The following MSRA variants were observed in gnomAD, a reference collection of about 807,000 sequenced individuals.
MSRA encodes the protein mitochondrial peptide methionine sulfoxide reductase.
In MSRA, 54 loss-of-function variants were observed where a neutral mutation model predicts 31.3. The ratio of observed to expected loss-of-function variants is 1.73; its 90% CI spans 1.39 to 2.17. The LOEUF (loss-of-function observed/expected upper bound fraction) is 2.17, where lower values mean the gene tolerates loss of function less well. Among genes scored for constraint, MSRA ranks in the 30% most tolerant of loss-of-function variants. The probability of loss-of-function intolerance (pLI) is 0.00; values close to 1 mark genes in which losing one functional copy is unlikely to be tolerated. For synonymous variants in MSRA, 169 were observed against 116.5 expected (o/e 1.45, Z -2.90); for missense variants, 507 against 300.9 (o/e 1.69, Z -5.07).
intron 1 of MSRA, among the ~76,000 whole-genome samples, chr8:10,077,713 C>T (rs989787822): frequency 4.6e-5 from 7 of 152,064 alleles, no homozygotes; most frequent in Non-Finnish European, 8.8e-5. Flanking sequence ...TCTGAGGCTT[C>T]TGACAACTCA....
intron 2 of MSRA, among the ~76,000 whole-genome samples, chr8:10,237,010 A>T (rs974426946): frequency 2.0e-5 from 3 of 152,228 alleles, no homozygotes; most frequent in Non-Finnish European, 4.4e-5. Flanking sequence ...CCTCTAGCTG[A>T]TAGTACAAAC....
chr8:10,279,813 T>C (rs932828303), intron 3 of MSRA, among the ~76,000 whole-genome samples: 2 of 152,232 alleles, frequency 1.3e-5, no homozygotes, highest in Non-Finnish European at 2.9e-5. Flanking sequence ...TGACTTCATA[T>C]AGGCCATGAA....
intron 5 of MSRA, among the ~76,000 whole-genome samples, chr8:10,326,130 T>C (rs1563353890): frequency 6.6e-6 from 1 of 152,198 alleles, no homozygotes; most frequent in East Asian, 1.9e-4. Context: ...CTAACTGTAA[T>C]GTTGACTTAG....
intron 5 of MSRA, among the ~76,000 whole-genome samples, chr8:10,366,310 C>G (rs1009438982): frequency 6.6e-6 from 1 of 152,226 alleles, no homozygotes; most frequent in African/African-American, 2.4e-5. Flanking sequence ...ACCAAAGACA[C>G]CTGCCTACAG....
rs199657766 is a variant in MSRA, at chr8:10,092,997, A to T, written c.142+38339A>T. Among the ~76,000 whole-genome samples the T allele has an allele frequency of 5.9e-5, 9 of 152,296 alleles. No homozygotes were observed. The East Asian group carries it at 1.2e-3, about 20-fold the overall frequency. On this transcript the variant is annotated intron_variant, in intron 1 of 5. Transcript: ENST00000317173. ...GTCTGTTTTGCTTGTTAGTATAACC[A>T]TTCTAGCTCTCTTGGGGTTTCTTTT... is the stretch of plus-strand genomic sequence containing the variant.
intron 5 of MSRA, among the ~76,000 whole-genome samples, chr8:10,324,410 C>A (rs766069664): frequency 8.5e-5 from 13 of 152,252 alleles, no homozygotes; most frequent in African/African-American, 3.1e-4. Context: ...TATGGCTTAT[C>A]CCAAGAGCGG....
At chr8:10,075,528 T>C (rs3735822) in intron 1 of MSRA, among the ~76,000 whole-genome samples, 2 of 152,350 alleles carry the variant, frequency 1.3e-5, no homozygotes, top group East Asian at 3.9e-4. Context: ...GGAAGAGAAG[T>C]GTTTCTACAA....
At chr8:10,100,436 G>C (rs569576301) in intron 1 of MSRA, among the ~76,000 whole-genome samples, 2 of 152,220 alleles carry the variant, frequency 1.3e-5, no homozygotes, top group East Asian at 3.9e-4. Flanking sequence ...GGTGCATACA[G>C]GCTTGGAACT....
At chr8:10,256,401 T>A (rs563715870) in intron 3 of MSRA, among the ~76,000 whole-genome samples, 85 of 152,346 alleles carry the variant, frequency 5.6e-4, no homozygotes, top group Non-Finnish European at 1.0e-3. Flanking sequence ...TCTCCAAGTT[T>A]TGACAATTAC....
chr8:10,172,117 G>T (rs1467306737), intron 1 of MSRA, among the ~76,000 whole-genome samples: 1 of 152,218 alleles, frequency 6.6e-6, no homozygotes, highest in African/African-American at 2.4e-5. Flanking sequence ...GGAATGGCAG[G>T]GTGGCAGAAC....
intron 4 of MSRA, 43 bp downstream of exon 4, chr8:10,301,681 A>C (rs766071727): frequency 1.3e-6 from 2 of 1,496,000 alleles, no homozygotes; most frequent in Admixed American, 1.7e-5. Context: ...CTTACTAATT[A>C]CAGCTGGGAT....
At chr8:10,095,319 G>T (rs553468811) in intron 1 of MSRA, among the ~76,000 whole-genome samples, 2 of 152,222 alleles carry the variant, frequency 1.3e-5, no homozygotes, top group Admixed American at 6.5e-5. Context: ...TTATTGCTCC[G>T]GGAACATGTT....
chr8:10,131,221 T>G (rs143539081), intron 1 of MSRA, among the ~76,000 whole-genome samples: 1 of 152,320 alleles, frequency 6.6e-6, no homozygotes, highest in African/African-American at 2.4e-5. Flanking sequence ...AGGAGAAATG[T>G]ACACGTTCAT....
In MSRA at chr8:10,091,951, C is replaced by T. The variant is rs534200063; in HGVS notation, c.142+37293C>T. 4.6e-5 allele frequency among the ~76,000 whole-genome samples: 7 copies of T among 152,152 alleles called. No homozygotes were observed. In the South Asian group the frequency reaches 1.5e-3, roughly 32 times the overall value. On this transcript the variant is annotated intron_variant, in intron 1 of 5. Coordinates refer to ENST00000317173, the MANE Select transcript of MSRA (RefSeq NM_012331.5). ...TTTGAGGAACCTCCATACTGTTTTC[C>T]ATAATGGCTGTATTAATTCATATTC...
At chr8:10,234,855 A>G (rs1307671769) in intron 2 of MSRA, among the ~76,000 whole-genome samples, 3 of 152,116 alleles carry the variant, frequency 2.0e-5, no homozygotes, top group Non-Finnish European at 4.4e-5. Context: ...CTAAACAATA[A>G]CAAAAGGAAT....
At chr8:10,425,738 G>A (rs1039479547) in intron 5 of MSRA, among the ~76,000 whole-genome samples, 10 of 152,266 alleles carry the variant, frequency 6.6e-5, no homozygotes, top group Non-Finnish European at 1.2e-4. Flanking sequence ...CTCTGAGGAC[G>A]ATCACACCTG....
intron 2 of MSRA, among the ~76,000 whole-genome samples, chr8:10,241,670 T>A (rs1201477813): frequency 6.6e-6 from 1 of 152,196 alleles, no homozygotes; most frequent in Non-Finnish European, 1.5e-5. Flanking sequence ...CATCTAGGCA[T>A]TGAGCACCCA....
At chr8:10,155,153 CAATAAGGA>C (rs1423289511) in intron 1 of MSRA, among the ~76,000 whole-genome samples, 1 of 152,014 alleles carries the variant, frequency 6.6e-6, no homozygotes, top group Non-Finnish European at 1.5e-5. Context: ...CTAATGACGA[CAATAAGGA>C]TAAAGAAATA....
intron 5 of MSRA, among the ~76,000 whole-genome samples, chr8:10,394,183 C>G (rs1806944767): frequency 6.6e-6 from 1 of 152,150 alleles, no homozygotes; most frequent in Non-Finnish European, 1.5e-5. Flanking sequence ...TTGATCTTTC[C>G]AAAACCAAAA....
Sources: allele counts gnomAD v4.1 joint callset (sites outside exome capture counted in the v4.1 genomes callset), GRCh38; gene constraint gnomAD v4.1.1; transcripts MANE v1.5; gene names NCBI Gene and HGNC (gene_info 2026-07-23, HGNC 2026-07-21).